Variants in SMC3 observed in about 807,000 individuals in gnomAD.
SMC3 encodes the protein structural maintenance of chromosomes protein 3.
In SMC3, 20 loss-of-function variants were observed where a neutral mutation model predicts 171.8. The observed-to-expected ratio is 0.12, with a 90% confidence interval of 0.08 to 0.17. The LOEUF (loss-of-function observed/expected upper bound fraction) is 0.17, where lower values mean the gene tolerates loss of function less well. SMC3 is among the 10% of genes least tolerant of loss of function. The pLI is 1.00. For synonymous variants in SMC3, 464 were observed against 451.1 expected, an observed-to-expected ratio of 1.03 and a Z score of -0.36; for missense variants, 543 against 1,420.4, an observed-to-expected ratio of 0.38 and a Z score of 9.93.
chr10:110,581,377 C>T (rs1250964837), intron 8 of SMC3, among the ~76,000 whole-genome samples: 1 of 151,996 alleles, frequency 6.6e-6, no homozygotes, highest in Non-Finnish European at 1.5e-5. Context: ...CACCACCATA[C>T]TCAGTTAATT....
chr10:110,594,381 C>G (rs1290182002), intron 18 of SMC3, among the ~76,000 whole-genome samples: 7 of 151,916 alleles, frequency 4.6e-5, no homozygotes, highest in Non-Finnish European at 8.8e-5. Flanking sequence ...GGTCTAATAG[C>G]TACCATAAGT....
At chr10:110,597,145 A>C (rs1240333036) in intron 19 of SMC3, among the ~76,000 whole-genome samples, 1 of 1,664 alleles carries the variant, frequency 6.0e-4, no homozygotes. Flanking sequence ...CCCTGTCTCA[A>C]AAAAAAAAAA....
chr10:110,575,794 A>G (rs898465457), intron 4 of SMC3, among the ~76,000 whole-genome samples: 1 of 152,198 alleles, frequency 6.6e-6, no homozygotes, highest in South Asian at 2.1e-4. Context: ...ATAGGTGGGT[A>G]TGTCCTCCAT....
chr10:110,603,604 T>C (rs1861420910), intron 28 of SMC3, among the ~76,000 whole-genome samples: 1 of 152,206 alleles, frequency 6.6e-6, no homozygotes, highest in Non-Finnish European at 1.5e-5. Context: ...CCTGGGTGTC[T>C]TCCCAACCTT....
rs1860905655 is a variant in SMC3, at chr10:110,573,613, G to T, written c.92-94G>T. The T allele has an allele frequency of 1.2e-5, 10 of 851,546 alleles. No individual in the cohort carries two copies. In the South Asian group the frequency reaches 1.4e-4, roughly 12 times the overall value. 52.7% of individuals were successfully genotyped at this position (851,546 alleles called of 1,614,324 possible). ...GATGTTAAGATGTATTAGAAAATTG[G>T]ATTTTAAAAATATTGAGTATTTTTA... On this transcript the variant is annotated intron_variant, in intron 2 of 28. Transcript: ENST00000361804.
At chr10:110,598,108 C>A in intron 19 of SMC3, 31 bp from the exon 20 acceptor site, 4 of 1,600,510 alleles carry the variant, frequency 2.5e-6, no homozygotes, top group Non-Finnish European at 3.4e-6. Context: ...ATATTTACAA[C>A]CTGGAGATAA....
chr10:110,600,528 C>A lies in SMC3; in HGVS notation c.2517C>A (p.Arg839=). 6.4e-7 allele frequency: 1 copy of A among 1,563,974 alleles called. No individual in the cohort carries two copies. The highest frequency in any genetic ancestry group is 8.8e-7 in the Non-Finnish European group (1 of 1,135,872). Residue 839 remains arginine (R), a synonymous_variant, in exon 22 of 29, where the codon CGC becomes CGA. Transcript: ENST00000361804. ...ATCTCAATGAGAATCTGAGAAAACG[C>A]TTGGACCAAGTAGAACAGGTGTGTA... ...ETYLNENLRK[R]LDQVEQELNE...
chr10:110,567,706 G>A lies in SMC3; in HGVS notation c.-111G>A. 1 of 1,344,962 alleles carries A rather than the reference G, an allele frequency of 7.4e-7. No individual in the cohort carries two copies. The highest frequency in any genetic ancestry group is 1.1e-6 in the Non-Finnish European group (1 of 946,016). 83.3% of individuals were successfully genotyped at this position (1,344,962 alleles called of 1,614,324 possible). ...AGCGCCGCCATTTTGTTTGGCTGAG[G>A]GGAGCGAGCGGCGCTTTGGGGGAGG... On this transcript the variant is annotated 5_prime_UTR_variant, in exon 1 of 29. Transcript: ENST00000361804.
rs139965823 is a variant in SMC3, at chr10:110,577,750, T to G, written c.271-85T>G. 1.7e-5 allele frequency: 15 copies of G among 881,076 alleles called. No individual in the cohort carries two copies. In the South Asian group the frequency reaches 2.0e-4, roughly 11 times the overall value. The allele number at this position is 881,076 out of a possible 1,614,324, so 54.6% of individuals were successfully genotyped here. A position where few individuals can be genotyped will look rare whatever the true frequency, so the allele number is the denominator to read the frequency against. On this transcript the variant is annotated intron_variant, in intron 5 of 28. Coordinates refer to ENST00000361804, the MANE Select transcript of SMC3 (RefSeq NM_005445.4). ...ATTGAAATTTTAAAATAAATACTTA[T>G]GGGCAAGGACTTTAAAATGACCTTA...
At chr10:110,581,888 T>A (rs1861036064) in intron 8 of SMC3, 35 bp from the exon 9 acceptor site, 2 of 1,554,426 alleles carry the variant, frequency 1.3e-6, no homozygotes, top group African/African-American at 1.4e-5. Context: ...AAAATCTTAT[T>A]CAATTCTTCC....
intron 19 of SMC3, 88 bp from the exon 20 acceptor site, chr10:110,598,047 AAAGG>A (rs1861328599): frequency 1.7e-6 from 2 of 1,196,334 alleles, no homozygotes; most frequent in Admixed American, 1.9e-5. Context: ...GGGGTAAAGA[AAAGG>A]AAGGGATACA....
intron 20 of SMC3, among the ~76,000 whole-genome samples, chr10:110,598,821 T>C (rs977684499): frequency 6.6e-5 from 10 of 152,182 alleles, no homozygotes; most frequent in Admixed American, 5.2e-4. Context: ...CAAATAGGCA[T>C]TTGAAGCTGT....
chr10:110,592,854 A>G (rs1342737605), intron 17 of SMC3, among the ~76,000 whole-genome samples: 1 of 152,238 alleles, frequency 6.6e-6, no homozygotes, highest in East Asian at 1.9e-4. Context: ...ACTCTTTAGC[A>G]CTATTAGGCT....
Position 110,601,757 on chromosome 10 carries a change from T to G in SMC3, c.2765T>G (p.Leu922Arg). The change falls in exon 24 of 29, where the codon CTG becomes CGG. Residue 922 changes from leucine (L) to arginine (R), a missense_variant. Around this residue, in one of 8 missense-constraint regions of SMC3, gnomAD observed 81 missense variants for 184.2 expected, o/e 0.44. Transcript: ENST00000361804. ...MDAINHDTKE[L>R]EKMTNRQGML... Reference sequence around the variant, plus strand: ...GCTATAAATCATGATACTAAAGAACTGGAAAAGATGACAAATCGGCAAGGC... The same window carrying G: ...GCTATAAATCATGATACTAAAGAACGGGAAAAGATGACAAATCGGCAAGGC... 1 of 1,613,662 alleles carries G rather than the reference T, an allele frequency of 6.2e-7. No homozygotes were observed. Among genetic ancestry groups the G allele is most frequent in the Non-Finnish European group, 8.5e-7 (1 of 1,179,882 alleles).
intron 2 of SMC3, 64 bp from the exon 3 acceptor site, chr10:110,573,643 G>T: frequency 9.0e-7 from 1 of 1,115,914 alleles, no homozygotes; most frequent in South Asian, 1.3e-5. Flanking sequence ...TTTTTAAAAA[G>T]GTAAACAGTT....
At chr10:110,582,203 T>G in intron 9 of SMC3, 105 bp downstream of exon 9, 1 of 1,052,152 alleles carries the variant, frequency 9.5e-7, no homozygotes, top group Admixed American at 2.2e-5. Flanking sequence ...AATAGAAACT[T>G]AAAAAAAACC....
chr10:110,602,448 A>G (rs1212835563), intron 25 of SMC3, 26 bp from the exon 26 acceptor site: 1 of 1,584,350 alleles, frequency 6.3e-7, no homozygotes, highest in South Asian at 1.1e-5. Context: ...AGCAAAATTT[A>G]TATTTCAATC....
intron 20 of SMC3, among the ~76,000 whole-genome samples, chr10:110,599,205 C>G (rs190228649): frequency 3.3e-5 from 5 of 152,138 alleles, no homozygotes; most frequent in African/African-American, 1.2e-4. Flanking sequence ...TCAAGCAATT[C>G]TCCTGCCTCG....
rs770354417 is a variant in SMC3, at chr10:110,593,237, A to T, written c.1963+14A>T. 6.2e-6 allele frequency: 10 copies of T among 1,612,262 alleles called. No homozygotes were observed. Among genetic ancestry groups the T allele is most frequent in the Non-Finnish European group, 8.5e-6 (10 of 1,178,274 alleles). On this transcript the variant is annotated intron_variant, in intron 18 of 28. Coordinates refer to ENST00000361804, the MANE Select transcript of SMC3 (RefSeq NM_005445.4). ...TTACTTTGGAAGGTTTGTAATACTA[A>T]TTCTTAGCTTTAAACAGATAAATTC...
Sources: allele counts gnomAD v4.1 joint callset (sites outside exome capture counted in the v4.1 genomes callset), GRCh38; gene constraint gnomAD v4.1.1; regional missense constraint gnomAD v4.1.1; transcripts MANE v1.5; gene names NCBI Gene and HGNC (gene_info 2026-07-23, HGNC 2026-07-21).